Variants in CDK5RAP1 observed in about 807,000 individuals in gnomAD.
CDK5RAP1 encodes the protein CDK5RAP1 mitochondrial tRNA methylthiotransferase.
A neutral mutation model predicts 64.5 loss-of-function variants in CDK5RAP1; 62 were observed. That is an observed-to-expected ratio of 0.96 (90% CI 0.78 to 1.19). The LOEUF is 1.19. Among genes scored for constraint, CDK5RAP1 ranks in the 50% most tolerant of loss-of-function variants. The pLI, the probability that CDK5RAP1 is intolerant of heterozygous loss-of-function variation, is 0.00. For synonymous variants in CDK5RAP1, 250 were observed against 261.9 expected, an observed-to-expected ratio of 0.95 and a Z score of 0.44; for missense variants, 657 against 735.0, an observed-to-expected ratio of 0.89 and a Z score of 1.23.
At chr20:33,373,637 GA>G (rs1281145114) in intron 9 of CDK5RAP1, 2 of 155,984 alleles carry the variant, frequency 1.3e-5, no homozygotes, top group African/African-American at 4.8e-5. Context: ...TATTCTCAAA[GA>G]AAGTGAACAC....
At chr20:33,375,133 G>A (rs1049560750) in intron 8 of CDK5RAP1, among the ~76,000 whole-genome samples, 4 of 152,020 alleles carry the variant, frequency 2.6e-5, no homozygotes, top group African/African-American at 7.2e-5. Flanking sequence ...TGGGCGCAGT[G>A]GCTCATGCTT....
intron 12 of CDK5RAP1, among the ~76,000 whole-genome samples, chr20:33,361,913 G>A (rs1228496285): frequency 3.7e-5 from 5 of 135,024 alleles, no homozygotes; most frequent in Admixed American, 8.6e-5. Context: ...CCGAGATCAC[G>A]CCACTGCACT....
At chr20:33,388,656 G>A (rs190781892) in intron 5 of CDK5RAP1, among the ~76,000 whole-genome samples, 7 of 150,302 alleles carry the variant, frequency 4.7e-5, no homozygotes, top group African/African-American at 1.2e-4. Flanking sequence ...CTCTTTCCAC[G>A]GTCTCCCTCT....
At chr20:33,387,210 C>G in intron 6 of CDK5RAP1, 113 bp downstream of exon 6, 1 of 770,370 alleles carries the variant, frequency 1.3e-6, no homozygotes. Context: ...GAGCCCTGAT[C>G]ATGACACTGC....
chr20:33,389,523 C>G (rs568922007), intron 5 of CDK5RAP1, among the ~76,000 whole-genome samples: 14 of 151,276 alleles, frequency 9.3e-5, no homozygotes, highest in African/African-American at 3.2e-4. Context: ...CCAGCCGACC[C>G]GTCAGGGAGG....
At chr20:33,384,262 A>C (rs1199887072) in intron 7 of CDK5RAP1, among the ~76,000 whole-genome samples, 2 of 152,266 alleles carry the variant, frequency 1.3e-5, no homozygotes, top group African/African-American at 4.8e-5. Flanking sequence ...ATTTTCCACA[A>C]GTCTATGGCC....
chr20:33,394,913 A>G (rs1434717810), intron 3 of CDK5RAP1, 100 bp downstream of exon 3: 17 of 749,442 alleles, frequency 2.3e-5, no homozygotes, highest in African/African-American at 1.5e-4. Flanking sequence ...ACTCTCTCTC[A>G]CCAGGGGGCA....
chr20:33,378,760 G>A (rs1472049320), intron 8 of CDK5RAP1, among the ~76,000 whole-genome samples: 3 of 152,106 alleles, frequency 2.0e-5, no homozygotes, highest in African/African-American at 4.8e-5. Flanking sequence ...GGTCTGAGGC[G>A]AAAGTCTGGG....
rs17124642 is a variant in CDK5RAP1 at position 33,358,855 on chromosome 20, T to A, written c.*188A>T. 0.015 allele frequency: 7,993 copies of A among 546,850 alleles called. 542 individuals are homozygous for A. The highest frequency in any genetic ancestry group is 0.14 in the African/African-American group (7,248 of 52,748). 33.9% of individuals were successfully genotyped at this position (546,850 alleles called of 1,614,324 possible). A position where few individuals can be genotyped will look rare whatever the true frequency, so the allele number is the denominator to read the frequency against. ...GACAAAGGGTTAACCTTAGTTTAGG[T>A]AAATTTAATGACTGTAAAAGCTGTT... On this transcript the variant is annotated 3_prime_UTR_variant, in exon 14 of 14. Coordinates refer to ENST00000346416, the MANE Select transcript of CDK5RAP1 (RefSeq NM_016408.4).
intron 12 of CDK5RAP1, among the ~76,000 whole-genome samples, chr20:33,364,702 G>A (rs536759626): frequency 1.7e-4 from 26 of 151,910 alleles, no homozygotes; most frequent in Admixed American, 1.1e-3. Context: ...AGCCTCCCGA[G>A]TAACTGGGAT....
At position 33,379,586 on chromosome 20, in the gene CDK5RAP1, T is replaced by C; in HGVS notation, c.982A>G (p.Thr328Ala). The C allele has an allele frequency of 6.2e-7, 1 of 1,614,092 alleles. No homozygotes were observed. Among genetic ancestry groups the C allele is most frequent in the Non-Finnish European group, 8.5e-7 (1 of 1,179,964 alleles). ...AVPTNLSRGF[T>A]TNYKTKQGGL... ...CCTTGCTTGGTTTTATAGTTGGTGGTAAAGCCACGACTGAGATTGGTAGGC... is the reference window on the plus strand; with the variant it reads ...CCTTGCTTGGTTTTATAGTTGGTGGCAAAGCCACGACTGAGATTGGTAGGC... The change falls in exon 8 of 14, where the codon ACC (threonine) becomes GCC (alanine). Residue 328 changes from threonine to alanine, a missense_variant. Thr to Ala is a moderately conservative substitution (Grantham distance 58, BLOSUM62 0). Transcript: ENST00000346416.
intron 8 of CDK5RAP1, 46 bp downstream of exon 8, chr20:33,379,415 C>T: frequency 5.0e-6 from 7 of 1,413,224 alleles, no homozygotes; most frequent in Non-Finnish European, 7.0e-6. Flanking sequence ...CTTTGGCATG[C>T]TCAAGAATAC....
At chr20:33,381,991 A>G (rs551891777) in intron 7 of CDK5RAP1, among the ~76,000 whole-genome samples, 135 of 152,168 alleles carry the variant, frequency 8.9e-4, no homozygotes, top group Non-Finnish European at 1.0e-3. Context: ...TACCAATATT[A>G]ATCTCTTAGT....
chr20:33,379,850 G>A (rs924950164), intron 7 of CDK5RAP1, among the ~76,000 whole-genome samples, 159 bp from the exon 8 acceptor site: 6 of 151,982 alleles, frequency 3.9e-5, no homozygotes, highest in South Asian at 2.1e-4. Context: ...GTCTATAACC[G>A]AATAATTTCA....
At chr20:33,388,541 C>T (rs187057540) in intron 5 of CDK5RAP1, among the ~76,000 whole-genome samples, 1 of 77,180 alleles carries the variant, frequency 1.3e-5, no homozygotes, top group Non-Finnish European at 2.5e-5. Context: ...TCCCCCTCTC[C>T]CTCTCCCCCT....
intron 8 of CDK5RAP1, among the ~76,000 whole-genome samples, chr20:33,377,849 G>A (rs964771289): frequency 6.6e-6 from 1 of 152,088 alleles, no homozygotes; most frequent in Non-Finnish European, 1.5e-5. Flanking sequence ...ACAGAGTTTT[G>A]CCATGTTGGC....
At chr20:33,401,169 G>A (rs6088208) in intron 1 of CDK5RAP1, among the ~76,000 whole-genome samples, 1 of 152,204 alleles carries the variant, frequency 6.6e-6, no homozygotes, top group Non-Finnish European at 1.5e-5. Flanking sequence ...CTGTGAGGCA[G>A]GCTGTACTGT....
intron 5 of CDK5RAP1, among the ~76,000 whole-genome samples, chr20:33,387,969 G>A (rs1987669800): frequency 6.6e-6 from 1 of 151,902 alleles, no homozygotes. Flanking sequence ...GGGAGGCTGA[G>A]GGACAGGAGA....
intron 5 of CDK5RAP1, among the ~76,000 whole-genome samples, chr20:33,391,796 GACA>G (rs1988357055): frequency 1.3e-5 from 2 of 151,652 alleles, no homozygotes; most frequent in Non-Finnish European, 2.9e-5. Context: ...CTCCAGCCTG[GACA>G]ACAAGAGTGA....
Sources: allele counts gnomAD v4.1 joint callset (sites outside exome capture counted in the v4.1 genomes callset), GRCh38; gene constraint gnomAD v4.1.1; transcripts MANE v1.5; gene names NCBI Gene and HGNC (gene_info 2026-07-23, HGNC 2026-07-21).